Variants in TBX5 observed in about 807,000 individuals in gnomAD.
TBX5 encodes T-box transcription factor 5.
TBX5 carries 8 observed loss-of-function variants against 51.1 expected under a neutral mutation model. The observed-to-expected ratio is 0.16, with a 90% confidence interval of 0.09 to 0.28. The LOEUF (loss-of-function observed/expected upper bound fraction) is 0.28, where lower values mean the gene tolerates loss of function less well. TBX5 is among the 10% of genes least tolerant of loss of function. TBX5 has a pLI of 1.00. For missense variants in TBX5, 589 were observed against 671.7 expected (o/e 0.88, Z 1.36); for synonymous variants, 302 against 266.4 (o/e 1.13, Z -1.30).
At chr12:114,364,468 A>T (rs75593745) in intron 8 of TBX5, among the ~76,000 whole-genome samples, 2,179 of 152,298 alleles carry the variant, frequency 0.014, 44 homozygotes, top group African/African-American at 0.05. Context: ...ACAGATTTTT[A>T]AAAATGAGGC....
intron 4 of TBX5, 69 bp downstream of exon 4, chr12:114,399,444 C>A (rs1275890565): frequency 1.3e-6 from 2 of 1,587,934 alleles, no homozygotes; most frequent in Non-Finnish European, 1.7e-6. Context: ...ACTGATACAA[C>A]TTTTCAACTT....
intron 6 of TBX5, among the ~76,000 whole-genome samples, chr12:114,393,686 C>G (rs1232504685): frequency 6.6e-6 from 1 of 152,168 alleles, no homozygotes; most frequent in Non-Finnish European, 1.5e-5. Flanking sequence ...AAACCAGTGC[C>G]TGGATTTTGA....
intron 6 of TBX5, among the ~76,000 whole-genome samples, chr12:114,393,738 TACCGC>T (rs1179859207): frequency 6.6e-6 from 1 of 152,018 alleles, no homozygotes; most frequent in East Asian, 1.9e-4. Flanking sequence ...TGCGACAGCA[TACCGC>T]CCCTACACCA....
Position 114,405,876 on chromosome 12 carries a change from C to G in TBX5, c.-287G>C, listed in dbSNP as rs753164916. The G allele has an allele frequency of 1.0e-6, 1 of 985,356 alleles. No homozygotes were observed. The highest frequency in any genetic ancestry group is 1.2e-6 in the Non-Finnish European group (1 of 830,002). The allele number at this position is 985,356 out of a possible 1,614,324, so 61.0% of individuals were successfully genotyped here. On this transcript the variant is annotated 5_prime_UTR_variant, in exon 1 of 9. Coordinates refer to ENST00000405440, the MANE Select transcript of TBX5 (RefSeq NM_181486.4). The stretch of plus-strand genomic sequence containing the variant: ...CCCTAAATACTTCCCAGTTGGCAAG[C>G]GCCAAAGAACACAAAATAGCCTCCA...
intron 1 of TBX5, among the ~76,000 whole-genome samples, chr12:114,405,223 C>T (rs781250527): frequency 6.6e-6 from 1 of 152,196 alleles, no homozygotes; most frequent in Non-Finnish European, 1.5e-5. Context: ...TTCTTCGCCT[C>T]GTTCTCGGGG....
At chr12:114,379,601 T>C (rs1468620389) in intron 7 of TBX5, among the ~76,000 whole-genome samples, 1 of 152,182 alleles carries the variant, frequency 6.6e-6, no homozygotes, top group African/African-American at 2.4e-5. Flanking sequence ...CATTTCATCC[T>C]TGCAACAGGC....
In TBX5 at chr12:114,366,337, G is replaced by A. The variant is rs1457829118; in HGVS notation, c.810C>T (p.Asn270=). ...GAGACTCGCTGCTGAAAGGACTGTG[G>A]TTGGAGGCCACTTTTTGCCTCACGG... is the stretch of plus-strand genomic sequence containing the variant. The part of the protein sequence containing the change: ...RSTVRQKVAS[N]HSPFSSESRA... Residue 270 remains asparagine (N), a synonymous_variant, in exon 8 of 9, where the codon AAC becomes AAT. Transcript: ENST00000405440. 5.6e-6 allele frequency: 9 copies of A among 1,614,102 alleles called. No homozygotes were observed. The highest frequency in any genetic ancestry group is 1.3e-5 in the African/African-American group (1 of 75,002).
At chr12:114,372,099 C>A (rs767729630) in intron 7 of TBX5, among the ~76,000 whole-genome samples, 1 of 152,008 alleles carries the variant, frequency 6.6e-6, no homozygotes, top group South Asian at 2.1e-4. Context: ...GAGGCTCCGA[C>A]GGGTGGGAGG....
intron 8 of TBX5, among the ~76,000 whole-genome samples, chr12:114,360,448 A>T (rs1244188253): frequency 7.4e-6 from 1 of 134,386 alleles, no homozygotes; most frequent in South Asian, 2.7e-4. Context: ...GGGTGGATGG[A>T]TGGGTGGTTG....
intron 8 of TBX5, among the ~76,000 whole-genome samples, chr12:114,361,085 A>T (rs1869215467): frequency 6.6e-6 from 1 of 152,148 alleles, no homozygotes; most frequent in South Asian, 2.1e-4. Flanking sequence ...TAAGTGCTCA[A>T]TAAATAAAGA....
At chr12:114,377,631 G>A (rs747509430) in intron 7 of TBX5, among the ~76,000 whole-genome samples, 12 of 149,394 alleles carry the variant, frequency 8.0e-5, no homozygotes, top group East Asian at 2.0e-4. Flanking sequence ...GCTCTGGCTG[G>A]TCTCAAACTC....
chr12:114,391,316 A>G (rs904255455), intron 6 of TBX5, among the ~76,000 whole-genome samples: 1 of 152,258 alleles, frequency 6.6e-6, no homozygotes, highest in African/African-American at 2.4e-5. Context: ...CAGGAATAAG[A>G]ACTTATTTAA....
upstream of TBX5, among the ~76,000 whole-genome samples, chr12:114,406,509 C>T (rs777219735): frequency 2.0e-5 from 3 of 152,166 alleles, no homozygotes; most frequent in Non-Finnish European, 4.4e-5. Flanking sequence ...CAGACATTCT[C>T]TCCAACGCTG....
intron 7 of TBX5, among the ~76,000 whole-genome samples, chr12:114,374,534 A>G (rs1387662687): frequency 2.6e-5 from 4 of 152,228 alleles, no homozygotes; most frequent in East Asian, 1.9e-4. Context: ...ATGAAATTCT[A>G]TAACAGACAA....
chr12:114,401,197 C>CGAGCTTTTAA (rs1175522026), intron 3 of TBX5, among the ~76,000 whole-genome samples: 17 of 152,162 alleles, frequency 1.1e-4, no homozygotes, highest in Non-Finnish European at 2.4e-4. Flanking sequence ...AGGGGAACTC[C>CGAGCTTTTAA]GGGGCGAGTG....
At chr12:114,359,327 G>A (rs1224653623) in intron 8 of TBX5, among the ~76,000 whole-genome samples, 1 of 152,136 alleles carries the variant, frequency 6.6e-6, no homozygotes, top group Admixed American at 6.6e-5. Flanking sequence ...TGCTCTGGAT[G>A]TAATCTCTGT....
intron 8 of TBX5, among the ~76,000 whole-genome samples, chr12:114,364,975 A>G (rs1869434361): frequency 6.6e-6 from 1 of 151,392 alleles, no homozygotes; most frequent in South Asian, 2.1e-4. Flanking sequence ...CCACCACACC[A>G]CCTGTGCCAA....
chr12:114,398,865 G>A, intron 4 of TBX5, 145 bp from the exon 5 acceptor site: 1 of 1,045,036 alleles, frequency 9.6e-7, no homozygotes, highest in Non-Finnish European at 1.4e-6. Flanking sequence ...TCTCCCTTAG[G>A]TATCTGCAAT....
At position 114,355,567 on chromosome 12, in the gene TBX5, C is replaced by T. The variant is rs1196792989; in HGVS notation, c.1522G>A (p.Val508Ile). The part of the protein sequence containing the change: ...SPHQYHSVHG[V>I]GMVPEWSDNS Reference sequence around the variant, plus strand: ...TCGCTCCACTCTGGCACCATGCCAACTCCGTGCACAGAGTGGTACTGATGA... The same window carrying T: ...TCGCTCCACTCTGGCACCATGCCAATTCCGTGCACAGAGTGGTACTGATGA... Residue 508 changes from valine to isoleucine, a missense_variant, in exon 9 of 9, where the codon GTT (valine) becomes ATT (isoleucine). Val to Ile is a conservative substitution (Grantham distance 29). Coordinates refer to ENST00000405440, the MANE Select transcript of TBX5 (RefSeq NM_181486.4). 1.2e-6 allele frequency: 2 copies of T among 1,614,082 alleles called. No individual in the cohort carries two copies. Among genetic ancestry groups the T allele is most frequent in the Non-Finnish European group, 1.7e-6 (2 of 1,180,048 alleles).
Sources: gnomAD v4.1 joint callset for allele counts (sites outside exome capture counted in the v4.1 genomes callset) on GRCh38, gnomAD v4.1.1 for gene constraint, MANE v1.5 for transcripts, NCBI Gene and HGNC (gene_info 2026-07-23, HGNC 2026-07-21) for gene names.